The following SS18 variants were observed in gnomAD, a reference collection of about 807,000 sequenced individuals.
SS18 encodes the protein protein SSXT.
Under a neutral mutation model 72.5 loss-of-function variants are expected in SS18, and 28 were observed. The ratio of observed to expected loss-of-function variants is 0.39; its 90% CI spans 0.29 to 0.53. SS18 has a LOEUF of 0.53. SS18 is among the 20% of genes least tolerant of loss of function. The pLI is 0.76. For synonymous variants in SS18, 172 were observed against 164.2 expected (o/e 1.05, Z -0.37); for missense variants, 518 against 535.3 (o/e 0.97, Z 0.32).
intron 1 of SS18, 31 bp downstream of exon 1, chr18:26,090,470 G>A: frequency 6.4e-7 from 1 of 1,551,428 alleles, no homozygotes; most frequent in Non-Finnish European, 8.7e-7. Context: ...GGCGGTAAGG[G>A]CCTGGCATCC....
chr18:26,044,175 A>G (rs1010382897), intron 5 of SS18, among the ~76,000 whole-genome samples: 2 of 152,156 alleles, frequency 1.3e-5, no homozygotes, highest in African/African-American at 4.8e-5. Context: ...AATTAAACAC[A>G]TATTTTTTAA....
intron 10 of SS18, among the ~76,000 whole-genome samples, chr18:26,022,217 A>T (rs2053363989): frequency 6.6e-6 from 1 of 152,128 alleles, no homozygotes; most frequent in South Asian, 2.1e-4. Context: ...TACTTTATTC[A>T]CCAATATTTA....
chr18:26,029,089 G>A (rs1286319417), intron 10 of SS18, among the ~76,000 whole-genome samples: 9 of 152,260 alleles, frequency 5.9e-5, no homozygotes, highest in African/African-American at 1.9e-4. Flanking sequence ...CAGGCATTCA[G>A]GCAGAAAAAG....
chr18:26,088,626 G>A (rs1310175951), intron 1 of SS18, among the ~76,000 whole-genome samples: 2 of 152,152 alleles, frequency 1.3e-5, no homozygotes, highest in Admixed American at 1.3e-4. Flanking sequence ...AAAGAGTACT[G>A]ATTGTAGCAA....
At chr18:26,018,772 T>A (rs1295415182) in intron 10 of SS18, among the ~76,000 whole-genome samples, 1 of 152,192 alleles carries the variant, frequency 6.6e-6, no homozygotes, top group East Asian at 1.9e-4. Flanking sequence ...TTTGTGAGTG[T>A]TTAGCTTGTT....
intron 5 of SS18, among the ~76,000 whole-genome samples, chr18:26,041,557 T>C (rs1230588186): frequency 6.6e-6 from 1 of 152,174 alleles, no homozygotes; most frequent in African/African-American, 2.4e-5. Flanking sequence ...TACTAAACTA[T>C]TAAACACTAA....
intron 4 of SS18, among the ~76,000 whole-genome samples, chr18:26,055,760 T>TG (rs1210517703): frequency 6.9e-6 from 1 of 145,984 alleles, no homozygotes; most frequent in African/African-American, 2.7e-5. Flanking sequence ...TGTTTTTTTT[T>TG]TTTTTGTTTT....
intron 7 of SS18, 96 bp downstream of exon 7, chr18:26,038,459 T>TA (rs1555645987): frequency 1.8e-6 from 2 of 1,102,022 alleles, no homozygotes; most frequent in South Asian, 1.4e-5. Context: ...AACAAATTGT[T>TA]AGTTTCTTCG....
chr18:26,088,468 C>A (rs183159705), intron 1 of SS18, among the ~76,000 whole-genome samples: 270 of 152,280 alleles, frequency 1.8e-3, no homozygotes, highest in African/African-American at 6.2e-3. Context: ...ATATTTGTTA[C>A]AGACTTTATG....
At chr18:26,058,652 GAT>G (rs1468753704) in intron 3 of SS18, among the ~76,000 whole-genome samples, 1 of 152,132 alleles carries the variant, frequency 6.6e-6, no homozygotes, top group Non-Finnish European at 1.5e-5. Flanking sequence ...ACACTTAATA[GAT>G]ACACATTGTT....
intron 2 of SS18, among the ~76,000 whole-genome samples, chr18:26,086,336 A>G (rs2054615242): frequency 6.6e-6 from 1 of 152,308 alleles, no homozygotes; most frequent in Non-Finnish European, 1.5e-5. Context: ...CAGCCACTAC[A>G]CACAGTAAAA....
intron 5 of SS18, among the ~76,000 whole-genome samples, chr18:26,042,625 A>G: frequency 6.6e-6 from 1 of 150,634 alleles, no homozygotes. Context: ...ATTTTATCTT[A>G]AGTCAGTGGT....
intron 3 of SS18, among the ~76,000 whole-genome samples, chr18:26,063,674 T>C (rs1289333862): frequency 6.6e-6 from 1 of 152,202 alleles, no homozygotes; most frequent in Non-Finnish European, 1.5e-5. Flanking sequence ...GGACCATTTA[T>C]AGCTTTAAAA....
chr18:26,059,931 C>CAAA (rs1278352462), intron 3 of SS18, among the ~76,000 whole-genome samples: 1 of 152,194 alleles, frequency 6.6e-6, no homozygotes, highest in Admixed American at 6.5e-5. Flanking sequence ...ATAGAAATTG[C>CAAA]AACTCTCATA....
intron 10 of SS18, among the ~76,000 whole-genome samples, chr18:26,030,003 A>C (rs1311527329): frequency 6.6e-6 from 1 of 152,326 alleles, no homozygotes; most frequent in East Asian, 1.9e-4. Context: ...CACACAGTAT[A>C]GTCCCAAATT....
intron 4 of SS18, among the ~76,000 whole-genome samples, chr18:26,055,195 G>A (rs949446617): frequency 1.3e-5 from 2 of 151,926 alleles, no homozygotes; most frequent in African/African-American, 2.4e-5. Flanking sequence ...GGCTGGACTC[G>A]GTGGCTCATG....
At chr18:26,024,741 C>T (rs897443400) in intron 10 of SS18, among the ~76,000 whole-genome samples, 6 of 151,502 alleles carry the variant, frequency 4.0e-5, no homozygotes, top group African/African-American at 1.2e-4. Context: ...CAAAGGAAGG[C>T]AGAAAAAGAG....
chr18:26,090,874 C>T (rs1021500333), upstream of SS18: 1 of 421,700 alleles, frequency 2.4e-6, no homozygotes. Context: ...GCGCCCTAGT[C>T]CTCCCTCCGC....
At chr18:26,057,015 G>A (rs1305083646) in intron 4 of SS18, among the ~76,000 whole-genome samples, 1 of 152,096 alleles carries the variant, frequency 6.6e-6, no homozygotes, top group East Asian at 1.9e-4. Flanking sequence ...ATGTAAGGAA[G>A]TTTACATTAT....
Sources: allele counts gnomAD v4.1 joint callset (sites outside exome capture counted in the v4.1 genomes callset), GRCh38; gene constraint gnomAD v4.1.1; transcripts MANE v1.5; gene names NCBI Gene and HGNC (gene_info 2026-07-23, HGNC 2026-07-21).